SCLT1: variants seen among roughly 807,000 people sequenced by gnomAD.
SCLT1 encodes sodium channel-associated protein 1.
Under a neutral mutation model 112.8 loss-of-function variants are expected in SCLT1, and 78 were observed. The ratio of observed to expected loss-of-function variants is 0.69; its 90% CI spans 0.58 to 0.83. The LOEUF (loss-of-function observed/expected upper bound fraction) is 0.83. Ranked by LOEUF, SCLT1 falls within the 40% of genes least tolerant of loss-of-function variation. The pLI is 0.00. For synonymous variants in SCLT1, 257 were observed against 254.7 expected (o/e 1.01, Z -0.09); for missense variants, 747 against 770.4 (o/e 0.97, Z 0.36).
chr4:128,984,005 C>T (rs1015346095), intron 9 of SCLT1, among the ~76,000 whole-genome samples: 4 of 152,146 alleles, frequency 2.6e-5, no homozygotes, highest in African/African-American at 9.7e-5. Flanking sequence ...TCCTTCAAAT[C>T]TGTGGCAGGA....
chr4:129,066,003 A>G (rs72685334), intron 2 of SCLT1, among the ~76,000 whole-genome samples: 1,832 of 152,152 alleles, frequency 0.012, 22 homozygotes, highest in South Asian at 0.024. Context: ...GCTGGAAGCA[A>G]TGGTTATTAT....
chr4:129,011,527 A>C (rs1373478124), intron 5 of SCLT1, among the ~76,000 whole-genome samples: 1 of 151,968 alleles, frequency 6.6e-6, no homozygotes, highest in Non-Finnish European at 1.5e-5. Context: ...GTATAGTTTG[A>C]AGTTGGGCAG....
chr4:129,001,857 G>A (rs72924125), intron 6 of SCLT1, among the ~76,000 whole-genome samples: 61 of 151,814 alleles, frequency 4.0e-4, no homozygotes, highest in African/African-American at 1.4e-3. Context: ...ATTTATTAAC[G>A]TACATATGTG....
chr4:129,050,312 A>G (rs966811508), intron 2 of SCLT1, among the ~76,000 whole-genome samples: 1 of 152,326 alleles, frequency 6.6e-6, no homozygotes, highest in East Asian at 1.9e-4. Flanking sequence ...GAATTGCCAC[A>G]CTGTCTTCCA....
At chr4:129,048,830 G>A (rs557915505) in intron 2 of SCLT1, among the ~76,000 whole-genome samples, 2,956 of 152,130 alleles carry the variant, frequency 0.019, 94 homozygotes, top group African/African-American at 0.067. Context: ...GATATGAACA[G>A]ACACTTCTCA....
chr4:129,037,816 G>A (rs13138537), intron 5 of SCLT1: 4,731 of 152,172 alleles, frequency 0.031, 93 homozygotes, highest in South Asian at 0.052. Flanking sequence ...TAGAAATGGG[G>A]AAAATATATG....
At chr4:128,997,981 T>C in intron 7 of SCLT1, 42 bp from the exon 8 acceptor site, 3 of 1,008,004 alleles carry the variant, frequency 3.0e-6, no homozygotes, top group South Asian at 2.4e-5. Context: ...TAGCATTTTG[T>C]TGTTTATAAC....
rs544119785 is a variant in SCLT1 at position 129,067,669 on chromosome 4, C to T, written c.102+14637G>A. On this transcript the variant is annotated intron_variant, in intron 2 of 20. Coordinates refer to ENST00000281142, the MANE Select transcript of SCLT1 (RefSeq NM_144643.4). ...GGGATAACAGGTGCATACCACCATA[C>T]CTGGCTAATTTTTGTTATTTTTAGT... Among the ~76,000 whole-genome samples, 47 of 151,878 alleles carry T rather than the reference C, an allele frequency of 3.1e-4. 1 individual carries two copies. The highest frequency in any genetic ancestry group is 2.4e-4 in the Non-Finnish European group (16 of 67,988).
Position 129,049,120 on chromosome 4 carries a change from G to C in SCLT1, c.103-5069C>G, listed in dbSNP as rs372082275. ...AGAAATACCATTTGACCCAGCCATCGCATTACTGGGTATATACCCAAAGGA... is the reference window on the plus strand; with the variant it reads ...AGAAATACCATTTGACCCAGCCATCCCATTACTGGGTATATACCCAAAGGA... On this transcript the variant is annotated intron_variant, in intron 2 of 20. Transcript: ENST00000281142. 1.3e-3 allele frequency among the ~76,000 whole-genome samples: 194 copies of C among 151,826 alleles called. 1 individual carries two copies. The East Asian group carries it at 0.02, about 16-fold the overall frequency.
At chr4:129,007,111 T>A (rs942807169) in intron 5 of SCLT1, among the ~76,000 whole-genome samples, 10 of 152,318 alleles carry the variant, frequency 6.6e-5, no homozygotes, top group African/African-American at 2.2e-4. Context: ...TCAAAGAACA[T>A]AATCTGAATA....
Position 128,924,201 on chromosome 4 carries a change from TCA to T in SCLT1, c.1829+12452_1829+12453del, listed in dbSNP as rs982394042. Among the ~76,000 whole-genome samples the T allele has an allele frequency of 2.2e-4, 34 of 152,216 alleles. 1 individual carries two copies. The highest frequency in any genetic ancestry group is 7.9e-4 in the African/African-American group (33 of 41,526). ...AGATATACTAATTGCAATTTTTTTC[TCA>T]CAGTCTTTTTTCATTTTCTTAATGG... On this transcript the variant is annotated intron_variant, in intron 18 of 20. Transcript: ENST00000281142.
chr4:129,031,799 G>C (rs1054657858), intron 5 of SCLT1, among the ~76,000 whole-genome samples: 1 of 150,932 alleles, frequency 6.6e-6, no homozygotes, highest in African/African-American at 2.4e-5. Context: ...CACTGCTCAA[G>C]AGAGGACAGA....
At chr4:129,024,730 T>C (rs1425738598) in intron 5 of SCLT1, among the ~76,000 whole-genome samples, 5 of 152,110 alleles carry the variant, frequency 3.3e-5, no homozygotes, top group Non-Finnish European at 7.4e-5. Flanking sequence ...AGAAGAAGGC[T>C]TCAGATGATC....
chr4:128,947,129 C>A (rs1738237017), intron 15 of SCLT1, among the ~76,000 whole-genome samples: 1 of 152,180 alleles, frequency 6.6e-6, no homozygotes, highest in Admixed American at 6.5e-5. Context: ...AGCTGCAGAC[C>A]CAGCAGTACT....
At chr4:128,967,714 ATTTG>A (rs1243049570) in intron 10 of SCLT1, among the ~76,000 whole-genome samples, 1 of 151,778 alleles carries the variant, frequency 6.6e-6, no homozygotes, top group Non-Finnish European at 1.5e-5. Context: ...TCTCTTGTAA[ATTTG>A]TTTAAGTTCT....
chr4:128,877,981 AAAC>A (rs1409845863), intron 3 of SCLT1, among the ~76,000 whole-genome samples: 2 of 152,190 alleles, frequency 1.3e-5, no homozygotes, highest in South Asian at 2.1e-4. Flanking sequence ...TAATCAAAGA[AAAC>A]AACACTGCTA....
intron 9 of SCLT1, among the ~76,000 whole-genome samples, chr4:128,975,613 A>G (rs1741103305): frequency 1.3e-5 from 2 of 152,202 alleles, no homozygotes; most frequent in African/African-American, 4.8e-5. Context: ...ATTCTCAGAT[A>G]TAAAAGCTAG....
intron 5 of SCLT1, among the ~76,000 whole-genome samples, chr4:129,024,608 G>A (rs1313005841): frequency 6.6e-6 from 1 of 152,162 alleles, no homozygotes; most frequent in Non-Finnish European, 1.5e-5. Flanking sequence ...AAAAAACAGA[G>A]CAGAACAACT....
intron 2 of SCLT1, among the ~76,000 whole-genome samples, chr4:129,057,778 G>GTTTTTTTTT: frequency 6.7e-6 from 1 of 150,302 alleles, no homozygotes. Flanking sequence ...TTGAGAGGGA[G>GTTTTTTTTT]TCTTGCTCTG....
Sources: gnomAD v4.1 joint callset for allele counts (sites outside exome capture counted in the v4.1 genomes callset) on GRCh38, gnomAD v4.1.1 for gene constraint, MANE v1.5 for transcripts, NCBI Gene and HGNC (gene_info 2026-07-23, HGNC 2026-07-21) for gene names.